DDR2: variants seen among roughly 807,000 people sequenced by gnomAD.
DDR2 encodes the protein discoidin domain receptor tyrosine kinase 2, also known as discoidin domain-containing receptor 2.
Under a neutral mutation model 94.9 loss-of-function variants are expected in DDR2, and 27 were observed. The ratio of observed to expected loss-of-function variants is 0.28; its 90% confidence interval spans 0.21 to 0.39. The LOEUF is 0.39. Among genes scored for constraint, DDR2 ranks in the 10% least tolerant of loss-of-function variants. The pLI is 1.00. For missense variants in DDR2, 783 were observed against 1,076.0 expected (o/e 0.73, Z 3.81); for synonymous variants, 382 against 377.2 (o/e 1.01, Z -0.15).
chr1:162,641,787 T>C (rs1193556048), intron 1 of DDR2, among the ~76,000 whole-genome samples: 1 of 152,246 alleles, frequency 6.6e-6, no homozygotes, highest in African/African-American at 2.4e-5. Context: ...CTGGACTTAC[T>C]ATCAGAAGTA....
In DDR2 at chr1:162,703,029, C is replaced by T. The variant is rs1660501281; in HGVS notation, c.-27-16008C>T. Among the ~76,000 whole-genome samples, 3 of 152,224 alleles carry T rather than the reference C, an allele frequency of 2.0e-5. No individual in the cohort carries two copies. The South Asian group carries it at 6.2e-4, about 32-fold the overall frequency. The stretch of plus-strand genomic sequence containing the variant: ...CTGGTTAATGAATATTTCAAGCCAT[C>T]CTTTCCTTTTGGAAGTTGGGAACAT... On this transcript the variant is annotated intron_variant, in intron 2 of 17. Transcript: ENST00000367921.
chr1:162,742,101 G>T (rs73026525), intron 3 of DDR2, among the ~76,000 whole-genome samples: 1 of 152,122 alleles, frequency 6.6e-6, no homozygotes, highest in Admixed American at 6.5e-5. Context: ...GTTCAGATTT[G>T]CCCTTAAGAT....
At chr1:162,709,742 A>G (rs2102011448) in intron 2 of DDR2, among the ~76,000 whole-genome samples, 1 of 152,328 alleles carries the variant, frequency 6.6e-6, no homozygotes, top group African/African-American at 2.4e-5. Context: ...CTGGTTGGGA[A>G]AGATACTCAC....
intron 2 of DDR2, among the ~76,000 whole-genome samples, chr1:162,684,302 A>G (rs1047560627): frequency 6.6e-6 from 1 of 152,186 alleles, no homozygotes; most frequent in African/African-American, 2.4e-5. Flanking sequence ...GACAAGGATG[A>G]TAAAATATCT....
At chr1:162,691,390 G>T (rs1490702860) in intron 2 of DDR2, among the ~76,000 whole-genome samples, 1 of 152,216 alleles carries the variant, frequency 6.6e-6, no homozygotes, top group African/African-American at 2.4e-5. Flanking sequence ...GCCTCACTGT[G>T]CATGACAAAG....
intron 1 of DDR2, among the ~76,000 whole-genome samples, chr1:162,637,319 G>T (rs1656875301): frequency 6.6e-6 from 1 of 152,018 alleles, no homozygotes; most frequent in Non-Finnish European, 1.5e-5. Context: ...AAATAATACA[G>T]AAATAGTTAT....
intron 4 of DDR2, among the ~76,000 whole-genome samples, chr1:162,754,018 T>C (rs1663339208): frequency 6.6e-6 from 1 of 151,886 alleles, no homozygotes; most frequent in South Asian, 2.1e-4. Context: ...TGGTAGGGAG[T>C]TCTCAAAGTA....
In DDR2 at chr1:162,757,629, T is replaced by C. The variant is rs547852025; in HGVS notation, c.671+1860T>C. ...TATTCTTCATAAACATTATCATTAATGTAATGAGTCATTGAAGATTTTTAA... is the reference window on the plus strand; with the variant it reads ...TATTCTTCATAAACATTATCATTAACGTAATGAGTCATTGAAGATTTTTAA... On this transcript the variant is annotated intron_variant, in intron 7 of 17. Coordinates refer to ENST00000367921, the MANE Select transcript of DDR2 (RefSeq NM_006182.4). Among the ~76,000 whole-genome samples the C allele has an allele frequency of 2.6e-5, 4 of 152,278 alleles. No homozygotes were observed. In the Middle Eastern group the frequency reaches 0.01, roughly 388 times the overall value.
chr1:162,759,092 A>C (rs1417008657), intron 7 of DDR2, among the ~76,000 whole-genome samples: 2 of 152,222 alleles, frequency 1.3e-5, no homozygotes, highest in Non-Finnish European at 2.9e-5. Context: ...AACTAAATCC[A>C]ATACCTGGGA....
At chr1:162,657,303 CCTT>C (rs1476235978) in intron 2 of DDR2, among the ~76,000 whole-genome samples, 16 of 152,154 alleles carry the variant, frequency 1.1e-4, no homozygotes, top group Admixed American at 6.5e-5. Flanking sequence ...CAGGAAGAGT[CCTT>C]CTGGTCACCA....
chr1:162,719,284 T>A, intron 3 of DDR2, 139 bp downstream of exon 3: 2 of 1,466,368 alleles, frequency 1.4e-6, no homozygotes, highest in Non-Finnish European at 9.2e-7. Context: ...GAAATATGAC[T>A]AAAATAGGAA....
Position 162,753,105 on chromosome 1 carries a change from C to T in DDR2, c.93C>T (p.Arg31=). The change falls in exon 4 of 18, where the codon CGC becomes CGT. Residue 31 remains arginine, a synonymous_variant. Coordinates refer to ENST00000367921, the MANE Select transcript of DDR2 (RefSeq NM_006182.4). ...AKAQVNPAIC[R]YPLGMSGGQI... ...TTTCTCTTGGTCTAGCTATATGCCGCTATCCTCTGGGCATGTCAGGAGGCC... is the reference window on the plus strand; with the variant it reads ...TTTCTCTTGGTCTAGCTATATGCCGTTATCCTCTGGGCATGTCAGGAGGCC... 1 of 1,613,560 alleles carries T rather than the reference C, an allele frequency of 6.2e-7. No homozygotes were observed. Among genetic ancestry groups the T allele is most frequent in the Non-Finnish European group, 8.5e-7 (1 of 1,179,646 alleles).
chr1:162,639,265 C>T (rs1657002172), intron 1 of DDR2, among the ~76,000 whole-genome samples: 1 of 152,190 alleles, frequency 6.6e-6, no homozygotes, highest in Non-Finnish European at 1.5e-5. Flanking sequence ...GTAATCAATA[C>T]ATTGTGGTAC....
At chr1:162,695,633 C>T (rs1289313829) in intron 2 of DDR2, among the ~76,000 whole-genome samples, 2 of 152,150 alleles carry the variant, frequency 1.3e-5, no homozygotes, top group African/African-American at 4.8e-5. Flanking sequence ...TGAGCAGGGA[C>T]TTAAAATGGG....
intron 3 of DDR2, among the ~76,000 whole-genome samples, chr1:162,734,069 T>C (rs1239580543): frequency 6.6e-6 from 1 of 152,256 alleles, no homozygotes; most frequent in Non-Finnish European, 1.5e-5. Context: ...TTATCTGTCT[T>C]GCTTACTACT....
intron 2 of DDR2, among the ~76,000 whole-genome samples, chr1:162,668,403 C>T (rs746943912): frequency 6.6e-6 from 1 of 152,150 alleles, no homozygotes; most frequent in Non-Finnish European, 1.5e-5. Flanking sequence ...CCTGGGGTTA[C>T]TGTAACAAGT....
At chr1:162,731,164 T>C (rs960983490) in intron 3 of DDR2, among the ~76,000 whole-genome samples, 3 of 152,194 alleles carry the variant, frequency 2.0e-5, no homozygotes, top group Admixed American at 6.5e-5. Context: ...CCATCCCACC[T>C]AGAAACAGAG....
intron 11 of DDR2, among the ~76,000 whole-genome samples, chr1:162,769,120 C>G (rs1442064183): frequency 6.6e-6 from 1 of 152,164 alleles, no homozygotes; most frequent in African/African-American, 2.4e-5. Flanking sequence ...TTCTCTGAGT[C>G]TTTATTCTGA....
intron 7 of DDR2, among the ~76,000 whole-genome samples, chr1:162,756,390 G>T (rs371165105): frequency 1.3e-5 from 2 of 152,290 alleles, no homozygotes; most frequent in South Asian, 4.1e-4. Flanking sequence ...GCCTGAAGTG[G>T]ATCAAAGGAG....
Sources: allele counts gnomAD v4.1 joint callset (sites outside exome capture counted in the v4.1 genomes callset), GRCh38; gene constraint gnomAD v4.1.1; transcripts MANE v1.5; gene names NCBI Gene and HGNC (gene_info 2026-07-23, HGNC 2026-07-21).